The following NRXN2 variants were observed in gnomAD, a reference collection of about 807,000 sequenced individuals.
NRXN2 encodes neurexin 2, also known as neurexin-2-beta.
Under a neutral mutation model 128.8 loss-of-function variants are expected in NRXN2, and 29 were observed. The observed-to-expected ratio is 0.23, with a 90% CI of 0.17 to 0.31. The LOEUF (loss-of-function observed/expected upper bound fraction) is 0.31. Ranked by LOEUF, NRXN2 falls within the 10% of genes least tolerant of loss-of-function variation. The pLI, the probability that NRXN2 is intolerant of heterozygous loss-of-function variation, is 1.00. For missense variants in NRXN2, 1,881 were observed against 2,452.6 expected, an observed-to-expected ratio of 0.77 and a Z score of 4.92; for synonymous variants, 1,098 against 1,075.2, an observed-to-expected ratio of 1.02 and a Z score of -0.41.
chr11:64,709,155 G>A (rs2056643963), intron 2 of NRXN2, among the ~76,000 whole-genome samples: 1 of 141,572 alleles, frequency 7.1e-6, no homozygotes, highest in Admixed American at 7.8e-5. Context: ...TCGTGCCATC[G>A]CACTCCAGCC....
At chr11:64,715,668 G>T (rs546314034) in intron 1 of NRXN2, among the ~76,000 whole-genome samples, 29 of 152,218 alleles carry the variant, frequency 1.9e-4, no homozygotes, top group African/African-American at 6.3e-4. Flanking sequence ...TCCAGCTCCT[G>T]ACTGCTGCCC....
At chr11:64,710,715 G>A (rs1477915861) in intron 2 of NRXN2, among the ~76,000 whole-genome samples, 3 of 152,088 alleles carry the variant, frequency 2.0e-5, no homozygotes, top group Non-Finnish European at 2.9e-5. Flanking sequence ...CATGCAATCC[G>A]GCTGTCTTAC....
Position 64,630,502 on chromosome 11 carries a change from T to C in NRXN2, c.3657A>G (p.Ile1219Met). Residue 1219 changes from isoleucine to methionine, a missense_variant, in exon 19 of 23, where the codon ATA becomes ATG. Ile to Met is a conservative substitution (Grantham distance 10). Around this residue, in one of 7 missense-constraint regions of NRXN2, gnomAD observed 390 missense variants for 599.6 expected, o/e 0.65. Coordinates refer to ENST00000265459, the MANE Select transcript of NRXN2 (RefSeq NM_015080.4). This position sits in a 1 kb window ranked among gnomAD's most constrained non-coding sequence, Gnocchi z 4.6. ...CCACGTGGTATTTGCCGTCGCTTAC[T>C]ATGGCGTTGGGCTCGTCGATGGTAA... ...DDITIDEPNA[I>M]VSDGKYHVVR... The C allele has an allele frequency of 6.2e-7, 1 of 1,614,046 alleles. No individual in the cohort carries two copies. The highest frequency in any genetic ancestry group is 8.5e-7 in the Non-Finnish European group (1 of 1,179,996).
intron 17 of NRXN2, among the ~76,000 whole-genome samples, chr11:64,647,094 A>G (rs1424102386): frequency 2.0e-5 from 3 of 152,122 alleles, no homozygotes; most frequent in African/African-American, 7.2e-5. Context: ...GCAGTGTGGT[A>G]TGGAGGCAAA....
rs561455026 is a variant in NRXN2 at position 64,622,342 on chromosome 11, G to A, written c.4173+411C>T. On this transcript the variant is annotated intron_variant, in intron 21 of 22. Transcript: ENST00000265459. The surrounding 1 kb of genome is among the most constrained non-coding windows in gnomAD (Gnocchi z 4.3). Reference sequence around the variant, plus strand: ...CCCTGCCCACAGCAGGGCCAGCCTGGTACCATCCATCTCCCACTCTCTGCC... The same window carrying A: ...CCCTGCCCACAGCAGGGCCAGCCTGATACCATCCATCTCCCACTCTCTGCC... Among the ~76,000 whole-genome samples, 4 of 152,174 alleles carry A rather than the reference G, an allele frequency of 2.6e-5. No individual in the cohort carries two copies. Among genetic ancestry groups the A allele is most frequent in the Admixed American group, 2.6e-4 (4 of 15,278 alleles).
chr11:64,696,720 C>T (rs555324261), intron 3 of NRXN2, among the ~76,000 whole-genome samples: 2 of 152,290 alleles, frequency 1.3e-5, no homozygotes, highest in African/African-American at 4.8e-5. Context: ...ACTACTGCAT[C>T]CCTGGCACTT....
At position 64,713,460 on chromosome 11, in the gene NRXN2, C is replaced by T. The variant is rs1272043550; in HGVS notation, c.240G>A (p.Leu80=). The change falls in exon 2 of 23, where the codon CTG becomes CTA. Residue 80 remains leucine (L), a synonymous_variant. Transcript: ENST00000265459. ...GCCGCAGGCGGCCGTCCACCAGCAG[C>T]AGCTCCAGGAAGTCGCAGTCGCCGC... The part of the protein sequence containing the change: ...DDGGDCDFLE[L]LLVDGRLRLR... 1 of 1,529,314 alleles carries T rather than the reference C, an allele frequency of 6.5e-7. No individual in the cohort carries two copies. Among genetic ancestry groups the T allele is most frequent in the East Asian group, 2.6e-5 (1 of 39,128 alleles). 94.7% of individuals were successfully genotyped at this position (1,529,314 alleles called of 1,614,324 possible). A position where few individuals can be genotyped will look rare whatever the true frequency, so the allele number is the denominator to read the frequency against.
chr11:64,626,704 T>C, intron 19 of NRXN2, 152 bp from the exon 20 acceptor site: 1 of 721,274 alleles, frequency 1.4e-6, no homozygotes, highest in Admixed American at 2.0e-5. Flanking sequence ...GGCCCCTCTT[T>C]TCCCTTGACC....
chr11:64,701,911 TC>T (rs2055454316), intron 2 of NRXN2, among the ~76,000 whole-genome samples: 1 of 81,682 alleles, frequency 1.2e-5, no homozygotes, highest in African/African-American at 5.2e-5. Flanking sequence ...GTGGGGGGGG[TC>T]AGCCCCCCGC....
chr11:64,643,637 G>C (rs1380456886), intron 17 of NRXN2, among the ~76,000 whole-genome samples: 1 of 149,936 alleles, frequency 6.7e-6, no homozygotes. Context: ...CGCGGGAGGA[G>C]GAGGGGGCAG....
intron 5 of NRXN2, chr11:64,688,777 T>C (rs1292569324): frequency 1.0e-6 from 1 of 985,256 alleles, no homozygotes; most frequent in Non-Finnish European, 1.2e-6. Context: ...TGGTCCTGCA[T>C]TTCTGAGAAC....
intron 17 of NRXN2, among the ~76,000 whole-genome samples, chr11:64,637,023 G>A (rs1474355962): frequency 2.6e-5 from 4 of 152,088 alleles, no homozygotes; most frequent in African/African-American, 9.7e-5. Context: ...TTGTTGCCTG[G>A]TTCCCAAAGA....
At chr11:64,689,811 C>G (rs2053572036) in intron 5 of NRXN2, among the ~76,000 whole-genome samples, 1 of 152,130 alleles carries the variant, frequency 6.6e-6, no homozygotes, top group African/African-American at 2.4e-5. Context: ...GAAATCCAGG[C>G]AAACAGAAGA....
At chr11:64,668,040 C>T (rs2050126455) in intron 8 of NRXN2, among the ~76,000 whole-genome samples, 1 of 152,166 alleles carries the variant, frequency 6.6e-6, no homozygotes, top group African/African-American at 2.4e-5. Context: ...TCTCATGTGC[C>T]CCTCACAACC....
At position 64,685,682 on chromosome 11, in the gene NRXN2, G is replaced by A. The variant is rs202176462; in HGVS notation, c.1116C>T (p.Ala372=). 2 of 1,614,114 alleles carry A rather than the reference G, an allele frequency of 1.2e-6. No individual in the cohort carries two copies. Among genetic ancestry groups the A allele is most frequent in the Non-Finnish European group, 1.7e-6 (2 of 1,180,062 alleles). Residue 372 remains alanine (A), a synonymous_variant, in exon 6 of 23, where the codon GCC becomes GCT. Coordinates refer to ENST00000265459, the MANE Select transcript of NRXN2 (RefSeq NM_015080.4). The part of the protein sequence containing the change: ...EPVNGKFNDN[A]WHDVRVTRNL... ...TTCGGGTGACCCGGACGTCGTGCCA[G>A]GCGTTGTCGTTGAACTTGCCATTGA...
chr11:64,626,350 T>C, intron 20 of NRXN2, 113 bp downstream of exon 20: 1 of 823,342 alleles, frequency 1.2e-6, no homozygotes, highest in Non-Finnish European at 2.0e-6. Context: ...CAATTGTCCC[T>C]TCACTTGGGG....
chr11:64,644,180 A>G (rs2046289525), intron 17 of NRXN2, among the ~76,000 whole-genome samples: 1 of 152,122 alleles, frequency 6.6e-6, no homozygotes, highest in South Asian at 2.1e-4. Context: ...TGAATGGCCA[A>G]CATACACACA....
intron 22 of NRXN2, 144 bp downstream of exon 22, chr11:64,620,150 G>A: frequency 1.4e-6 from 1 of 690,470 alleles, no homozygotes; most frequent in South Asian, 1.6e-5. Context: ...GGACTGGGAG[G>A]ATGTTAGGCA....
In NRXN2 at chr11:64,630,455, C is replaced by G; in HGVS notation, c.3704G>C (p.Gly1235Ala). 3.1e-6 allele frequency: 5 copies of G among 1,613,598 alleles called. No homozygotes were observed. The highest frequency in any genetic ancestry group is 4.2e-6 in the Non-Finnish European group (5 of 1,179,906). Residue 1235 changes from glycine (G) to alanine (A), a missense_variant, in exon 19 of 23, where the codon GGC becomes GCC. Gly to Ala is a moderately conservative substitution (Grantham distance 60). Coordinates refer to ENST00000265459, the MANE Select transcript of NRXN2 (RefSeq NM_015080.4). The surrounding 1 kb of genome is among the most constrained non-coding windows in gnomAD (Gnocchi z 4.6). ...GCTGTCCACCTGCAGGGTGGCGTTG[C>G]CGCCGCTTCGAGTGAAGCGCACCAC... Reference protein sequence around the residue: ...YHVVRFTRSGGNATLQVDSWP... With the variant: ...YHVVRFTRSGANATLQVDSWP...
Sources: gnomAD v4.1 joint callset for allele counts (sites outside exome capture counted in the v4.1 genomes callset) on GRCh38, gnomAD v4.1.1 for gene constraint, gnomAD v4.1.1 regional missense constraint, Gnocchi (gnomAD v3.1) non-coding constraint, MANE v1.5 for transcripts, NCBI Gene and HGNC (gene_info 2026-07-23, HGNC 2026-07-21) for gene names.